The following CSMD1 variants were observed in gnomAD, a reference collection of about 807,000 sequenced individuals.
CSMD1 encodes CUB and Sushi multiple domains 1.
A neutral mutation model predicts 417.5 loss-of-function variants in CSMD1; 213 were observed. The ratio of observed to expected loss-of-function variants is 0.51; its 90% confidence interval spans 0.46 to 0.57. CSMD1 has a LOEUF of 0.57. Among genes scored for constraint, CSMD1 ranks in the 20% least tolerant of loss-of-function variants. The pLI, the probability that CSMD1 is intolerant of heterozygous loss-of-function variation, is 0.00. For synonymous variants in CSMD1, 2,862 were observed against 1,736.8 expected (o/e 1.65, Z -16.11); for missense variants, 6,923 against 4,529.7 (o/e 1.53, Z -15.17).
At chr8:3,321,024 T>C (rs901275126) in intron 23 of CSMD1, among the ~76,000 whole-genome samples, 3 of 152,170 alleles carry the variant, frequency 2.0e-5, no homozygotes, top group Non-Finnish European at 2.9e-5. Flanking sequence ...GCCTCGCTTT[T>C]GTATTTCCCA....
At chr8:3,532,112 A>AT (rs969979785) in intron 10 of CSMD1, among the ~76,000 whole-genome samples, 30 of 151,852 alleles carry the variant, frequency 2.0e-4, no homozygotes, top group African/African-American at 6.5e-4. Flanking sequence ...AGATGGCAAC[A>AT]TTTTTTTTCT....
chr8:4,322,312 G>C (rs1399611619), intron 3 of CSMD1, among the ~76,000 whole-genome samples: 1 of 148,022 alleles, frequency 6.8e-6, no homozygotes, highest in South Asian at 2.4e-4. Context: ...CTGCATATTT[G>C]AAGAGAGTAC....
At chr8:3,037,898 C>A (rs983633820) in intron 50 of CSMD1, among the ~76,000 whole-genome samples, 2 of 152,240 alleles carry the variant, frequency 1.3e-5, no homozygotes, top group South Asian at 4.2e-4. Context: ...GAATCTAGAC[C>A]TTCATAACAC....
intron 1 of CSMD1, among the ~76,000 whole-genome samples, chr8:4,768,130 C>A (rs986448620): frequency 3.9e-5 from 6 of 152,090 alleles, no homozygotes; most frequent in African/African-American, 1.2e-4. Flanking sequence ...AAATTATAAA[C>A]AGATGTTTTG....
intron 3 of CSMD1, among the ~76,000 whole-genome samples, chr8:4,053,100 G>T (rs114255975): frequency 6.6e-6 from 1 of 152,236 alleles, no homozygotes. Context: ...AGAAGGGGCT[G>T]ATACGAGGAC....
chr8:3,173,665 G>A (rs1265095068), intron 37 of CSMD1, among the ~76,000 whole-genome samples: 1 of 152,178 alleles, frequency 6.6e-6, no homozygotes, highest in East Asian at 1.9e-4. Flanking sequence ...GAGGTAGTAA[G>A]CTCTCGTCTC....
intron 11 of CSMD1, among the ~76,000 whole-genome samples, chr8:3,492,745 G>T (rs367666160): frequency 1.3e-5 from 2 of 152,158 alleles, no homozygotes; most frequent in Non-Finnish European, 2.9e-5. Flanking sequence ...GGATCAGTCT[G>T]CAAATATTCA....
intron 1 of CSMD1, among the ~76,000 whole-genome samples, chr8:4,804,116 A>G (rs557419768): frequency 6.6e-6 from 1 of 152,304 alleles, no homozygotes; most frequent in Admixed American, 6.5e-5. Flanking sequence ...TTTCCACAAT[A>G]ACGAGAAACT....
intron 5 of CSMD1, among the ~76,000 whole-genome samples, chr8:3,950,330 C>A (rs1811520746): frequency 6.6e-6 from 1 of 152,096 alleles, no homozygotes; most frequent in South Asian, 2.1e-4. Context: ...GTAGAAAAGC[C>A]ATCTGACTCT....
At chr8:4,301,866 G>C (rs1797997857) in intron 3 of CSMD1, among the ~76,000 whole-genome samples, 1 of 104,534 alleles carries the variant, frequency 9.6e-6, no homozygotes, top group South Asian at 3.7e-4. Flanking sequence ...TTCTGCCCAA[G>C]CTTCACCATA....
chr8:3,458,605 T>C (rs1816302871), intron 12 of CSMD1, among the ~76,000 whole-genome samples: 1 of 152,234 alleles, frequency 6.6e-6, no homozygotes, highest in African/African-American at 2.4e-5. Context: ...CTTATTCGTC[T>C]TGCGTTAAGA....
At chr8:4,246,354 G>T (rs1252428467) in intron 3 of CSMD1, among the ~76,000 whole-genome samples, 1 of 152,142 alleles carries the variant, frequency 6.6e-6, no homozygotes, top group Non-Finnish European at 1.5e-5. Flanking sequence ...GACACGGTCA[G>T]TCCTTAGAAG....
chr8:3,977,981 C>T (rs564651286), intron 5 of CSMD1, among the ~76,000 whole-genome samples: 2 of 152,198 alleles, frequency 1.3e-5, no homozygotes, highest in African/African-American at 4.8e-5. Flanking sequence ...TCTACTAGCT[C>T]TTACCATGAG....
At chr8:4,339,193 G>C (rs575334143) in intron 3 of CSMD1, among the ~76,000 whole-genome samples, 2 of 152,180 alleles carry the variant, frequency 1.3e-5, no homozygotes, top group South Asian at 2.1e-4. Flanking sequence ...TCCTTCAAAG[G>C]AGATCTGCAA....
At chr8:4,216,789 A>T (rs1714718) in intron 3 of CSMD1, among the ~76,000 whole-genome samples, 1 of 152,128 alleles carries the variant, frequency 6.6e-6, no homozygotes, top group East Asian at 1.9e-4. Flanking sequence ...AAGTCTCCAG[A>T]TGAAATTACA....
At chr8:3,321,237 C>A (rs976020969) in intron 23 of CSMD1, among the ~76,000 whole-genome samples, 1 of 152,100 alleles carries the variant, frequency 6.6e-6, no homozygotes, top group Non-Finnish European at 1.5e-5. Flanking sequence ...TGCTGACTAA[C>A]GGGTCGCCAA....
At chr8:3,677,834 A>C (rs1204199532) in intron 7 of CSMD1, among the ~76,000 whole-genome samples, 1 of 152,152 alleles carries the variant, frequency 6.6e-6, no homozygotes, top group African/African-American at 2.4e-5. Flanking sequence ...TATTTCAATA[A>C]CATTCTTTAA....
intron 25 of CSMD1, among the ~76,000 whole-genome samples, chr8:3,303,211 G>T (rs1172746043): frequency 1.3e-5 from 2 of 152,128 alleles, no homozygotes; most frequent in East Asian, 3.9e-4. Context: ...CCAACCCATG[G>T]TCTATGTACA....
intron 15 of CSMD1, among the ~76,000 whole-genome samples, chr8:3,401,489 A>G (rs1384206589): frequency 6.6e-6 from 1 of 152,160 alleles, no homozygotes; most frequent in Non-Finnish European, 1.5e-5. Context: ...GATGAGCAAA[A>G]TTTACACTAA....
Sources: allele counts gnomAD v4.1 joint callset (sites outside exome capture counted in the v4.1 genomes callset), GRCh38; gene constraint gnomAD v4.1.1; transcripts MANE v1.5; gene names NCBI Gene and HGNC (gene_info 2026-07-23, HGNC 2026-07-21).